ITPR1: variants seen among roughly 807,000 people sequenced by gnomAD.
ITPR1 encodes inositol 1,4,5-trisphosphate-gated calcium channel ITPR1.
Under a neutral mutation model 318.4 loss-of-function variants are expected in ITPR1, and 96 were observed. The ratio of observed to expected loss-of-function variants is 0.30; its 90% confidence interval spans 0.26 to 0.36. ITPR1 has a LOEUF of 0.36. Ranked by LOEUF, ITPR1 falls within the 10% of genes least tolerant of loss-of-function variation. The pLI is 1.00. For synonymous variants in ITPR1, 1,312 were observed against 1,289.9 expected (o/e 1.02, Z -0.37); for missense variants, 2,440 against 3,460.2 (o/e 0.71, Z 7.40).
intron 44 of ITPR1, among the ~76,000 whole-genome samples, chr3:4,744,835 T>C (rs2043960923): frequency 1.3e-5 from 2 of 152,170 alleles, no homozygotes; most frequent in Non-Finnish European, 2.9e-5. Flanking sequence ...AGCTAATAAA[T>C]GGGAATTCAG....
At chr3:4,540,403 A>G (rs528866968) in intron 4 of ITPR1, among the ~76,000 whole-genome samples, 7 of 152,338 alleles carry the variant, frequency 4.6e-5, no homozygotes, top group African/African-American at 1.7e-4. Flanking sequence ...CATAAACTGT[A>G]CATAACTAGA....
chr3:4,735,133 G>C (rs1387940310), intron 43 of ITPR1, 31 bp from the exon 44 acceptor site: 1 of 1,570,632 alleles, frequency 6.4e-7, no homozygotes, highest in Non-Finnish European at 8.7e-7. Context: ...TTCTGATTGT[G>C]CTTAGTAAAA....
At chr3:4,688,163 T>C (rs1281651196) in intron 30 of ITPR1, among the ~76,000 whole-genome samples, 1 of 152,130 alleles carries the variant, frequency 6.6e-6, no homozygotes. Context: ...GGATTACAGG[T>C]ATGAGCCACT....
chr3:4,508,521 T>C lies in ITPR1; in HGVS notation c.-16-7955T>C, dbSNP rs1023003024. ...AGTTAAGTGTGTGCAGGAGAACTAA[T>C]AGATGGAAAAATTTCAATAAGTGAG... On this transcript the variant is annotated intron_variant, in intron 2 of 61. Coordinates refer to ENST00000649015, the MANE Select transcript of ITPR1 (RefSeq NM_001378452.1). 3.4e-5 allele frequency among the ~76,000 whole-genome samples: 5 copies of C among 148,288 alleles called. No homozygotes were observed. The South Asian group carries it at 6.4e-4, about 19-fold the overall frequency.
At chr3:4,661,121 C>A in intron 14 of ITPR1, 34 bp downstream of exon 14, 1 of 1,244,898 alleles carries the variant, frequency 8.0e-7, no homozygotes, top group Non-Finnish European at 1.2e-6. Context: ...TCCTTTTGGT[C>A]TCGTGTTTCC....
chr3:4,720,796 A>G lies in ITPR1; in HGVS notation c.5136+3397A>G, dbSNP rs80188039. ...AAGATGCCATTGTAAAATTCGAGGT[A>G]GAGGGGGAAACAGGAGAAACAAAGA... On this transcript the variant is annotated intron_variant, in intron 40 of 61. Transcript: ENST00000649015. Among the ~76,000 whole-genome samples the G allele has an allele frequency of 8.4e-3, 1,259 of 150,336 alleles. 11 individuals are homozygous for G. Among genetic ancestry groups the G allele is most frequent in the East Asian group, 0.031 (161 of 5,124 alleles).
At chr3:4,618,438 C>T (rs901174706) in intron 4 of ITPR1, among the ~76,000 whole-genome samples, 5 of 152,084 alleles carry the variant, frequency 3.3e-5, no homozygotes, top group Middle Eastern at 3.2e-3. Flanking sequence ...TTCTCTGTTC[C>T]TCCTCCATCC....
chr3:4,641,530 C>T (rs2093338534), intron 6 of ITPR1, among the ~76,000 whole-genome samples: 1 of 152,148 alleles, frequency 6.6e-6, no homozygotes, highest in Non-Finnish European at 1.5e-5. Flanking sequence ...GTGTGTACCC[C>T]CACACTTGGT....
chr3:4,560,519 T>A (rs2086568962), intron 4 of ITPR1, among the ~76,000 whole-genome samples: 1 of 152,204 alleles, frequency 6.6e-6, no homozygotes, highest in Admixed American at 6.5e-5. Flanking sequence ...TTTCTTTAAA[T>A]CATGTGTTTA....
intron 4 of ITPR1, among the ~76,000 whole-genome samples, chr3:4,627,362 G>A (rs1293750087): frequency 1.4e-4 from 21 of 152,192 alleles, no homozygotes; most frequent in Non-Finnish European, 4.4e-5. Context: ...TACTCAGGAG[G>A]CTGAAGCAGG....
intron 42 of ITPR1, among the ~76,000 whole-genome samples, chr3:4,729,192 G>C (rs148734721): frequency 4.1e-4 from 63 of 152,270 alleles, no homozygotes; most frequent in Non-Finnish European, 1.6e-4. Context: ...CTTTTTGCCA[G>C]ATACTAGCTG....
chr3:4,600,396 G>A (rs1352399818), intron 4 of ITPR1, among the ~76,000 whole-genome samples: 11 of 152,108 alleles, frequency 7.2e-5, no homozygotes, highest in Admixed American at 6.6e-4. Flanking sequence ...TGTTGTGGGT[G>A]GTCTTGCTGG....
chr3:4,506,030 G>A (rs555823608), intron 2 of ITPR1, among the ~76,000 whole-genome samples: 3 of 152,092 alleles, frequency 2.0e-5, no homozygotes, highest in Admixed American at 6.5e-5. Flanking sequence ...TGCTTCCTCC[G>A]TCCCCCTTTC....
chr3:4,832,192 C>A (rs2106534536), intron 60 of ITPR1, among the ~76,000 whole-genome samples: 1 of 152,188 alleles, frequency 6.6e-6, no homozygotes, highest in South Asian at 2.1e-4. Context: ...CGTAGCCCAG[C>A]TTTTCATTAT....
chr3:4,593,139 C>A (rs901729011), intron 4 of ITPR1, among the ~76,000 whole-genome samples: 3 of 152,204 alleles, frequency 2.0e-5, no homozygotes, highest in African/African-American at 7.2e-5. Context: ...CATTGAACAA[C>A]ACGATGCGGT....
At chr3:4,805,920 C>G (rs1009703545) in intron 54 of ITPR1, among the ~76,000 whole-genome samples, 183 bp from the exon 55 acceptor site, 2 of 152,174 alleles carry the variant, frequency 1.3e-5, no homozygotes, top group Admixed American at 6.5e-5. Flanking sequence ...GCCTGAAAAG[C>G]AAAGTAATGA....
At chr3:4,639,263 C>A in intron 5 of ITPR1, 121 bp from the exon 6 acceptor site, 1 of 743,214 alleles carries the variant, frequency 1.3e-6, no homozygotes, top group Non-Finnish European at 2.3e-6. Flanking sequence ...AGGGTGTGTC[C>A]TCAGGGATTT....
chr3:4,781,458 A>C (rs1485917733), intron 49 of ITPR1, among the ~76,000 whole-genome samples: 8 of 152,160 alleles, frequency 5.3e-5, no homozygotes, highest in Non-Finnish European at 8.8e-5. Context: ...GAGCAGACCC[A>C]GTCCCCGCTC....
chr3:4,747,313 G>A (rs978600695), intron 44 of ITPR1, among the ~76,000 whole-genome samples: 3 of 152,186 alleles, frequency 2.0e-5, no homozygotes, highest in Non-Finnish European at 4.4e-5. Context: ...AGGAAATAGA[G>A]GATCCGAGAG....
Sources: allele counts gnomAD v4.1 joint callset (sites outside exome capture counted in the v4.1 genomes callset), GRCh38; gene constraint gnomAD v4.1.1; transcripts MANE v1.5; gene names NCBI Gene and HGNC (gene_info 2026-07-23, HGNC 2026-07-21).